QRICH1: variants seen among roughly 807,000 people sequenced by gnomAD.
The protein encoded by QRICH1 is glutamine rich 1, also known as transcriptional regulator QRICH1.
A neutral mutation model predicts 87.1 loss-of-function variants in QRICH1; 16 were observed. The ratio of observed to expected loss-of-function variants is 0.18; its 90% confidence interval spans 0.12 to 0.28. The LOEUF (loss-of-function observed/expected upper bound fraction) is 0.28, where lower values mean the gene tolerates loss of function less well. Ranked by LOEUF, QRICH1 falls within the 10% of genes least tolerant of loss-of-function variation. The pLI is 1.00. For synonymous variants in QRICH1, 367 were observed against 368.4 expected (o/e 1.00, Z 0.05); for missense variants, 647 against 951.7 (o/e 0.68, Z 4.21).
intron 1 of QRICH1, among the ~76,000 whole-genome samples, chr3:49,086,404 C>T (rs1219204710): frequency 6.6e-6 from 1 of 151,802 alleles, no homozygotes; most frequent in African/African-American, 2.4e-5. Flanking sequence ...CTACAGGCAC[C>T]CACCACCACG....
chr3:49,085,337 A>C (rs1044768525), intron 1 of QRICH1, among the ~76,000 whole-genome samples: 3 of 150,112 alleles, frequency 2.0e-5, no homozygotes, highest in African/African-American at 7.4e-5. Flanking sequence ...CAGGAGATCG[A>C]GACCATCCTG....
chr3:49,049,638 C>T (rs1559932816), intron 3 of QRICH1, among the ~76,000 whole-genome samples: 1 of 151,746 alleles, frequency 6.6e-6, no homozygotes, highest in African/African-American at 2.4e-5. Flanking sequence ...GCTGGGATTA[C>T]AGGTGTCTGC....
rs2042196812 is a variant in QRICH1 at position 49,087,831 on chromosome 3, A to AAAAAAAAAAAAAAAAAAAAC, written c.-22+6080_-22+6081insGTTTTTTTTTTTTTTTTTTT. On this transcript the variant is annotated intron_variant, in intron 1 of 9. Coordinates refer to ENST00000395443, the MANE Select transcript of QRICH1 (RefSeq NM_198880.3). ...GGAGGTTCATCTCAAAAAAAAAAAA[A>AAAAAAAAAAAAAAAAAAAAC]AAAAAAAAGAACAATGTCTTCTATG... Among the ~76,000 whole-genome samples, 2 of 149,076 alleles carry AAAAAAAAAAAAAAAAAAAAC rather than the reference A, an allele frequency of 1.3e-5. 1 individual carries two copies. Among genetic ancestry groups the AAAAAAAAAAAAAAAAAAAAC allele is most frequent in the East Asian group, 3.9e-4 (2 of 5,160 alleles).
At chr3:49,051,318 A>G (rs1202649143) in intron 3 of QRICH1, among the ~76,000 whole-genome samples, 1 of 152,064 alleles carries the variant, frequency 6.6e-6, no homozygotes, top group Non-Finnish European at 1.5e-5. Context: ...AATGTCACTC[A>G]CAACATTGTC....
intron 2 of QRICH1, among the ~76,000 whole-genome samples, chr3:49,074,760 C>G (rs901797426): frequency 5.3e-5 from 8 of 150,056 alleles, no homozygotes; most frequent in African/African-American, 9.8e-5. Context: ...AGGTGGATCA[C>G]GAGGTCAGGA....
intron 2 of QRICH1, among the ~76,000 whole-genome samples, chr3:49,065,138 CTTTTTT>C (rs541974005): frequency 6.9e-6 from 1 of 143,952 alleles, no homozygotes; most frequent in African/African-American, 2.5e-5. Flanking sequence ...TTGGAAACCT[CTTTTTT>C]TTTTTTTTGG....
At chr3:49,082,826 C>T (rs1238619899) in intron 1 of QRICH1, among the ~76,000 whole-genome samples, 5 of 147,316 alleles carry the variant, frequency 3.4e-5, no homozygotes, top group Non-Finnish European at 7.4e-5. Context: ...ACCTGGGAGG[C>T]AGAGCTTGCA....
chr3:49,093,535 C>T (rs1313304138), intron 1 of QRICH1: 3 of 151,934 alleles, frequency 2.0e-5, no homozygotes, highest in African/African-American at 7.3e-5. Context: ...GGGGTCGTCA[C>T]GGGCGCGCGC....
At chr3:49,067,285 C>T (rs192378678) in intron 2 of QRICH1, among the ~76,000 whole-genome samples, 179 of 152,030 alleles carry the variant, frequency 1.2e-3, no homozygotes, top group African/African-American at 3.6e-3. Flanking sequence ...GTAAATTTAA[C>T]GGCTGGGTGC....
At chr3:49,043,084 T>A (rs987241776) in intron 6 of QRICH1, among the ~76,000 whole-genome samples, 1 of 152,192 alleles carries the variant, frequency 6.6e-6, no homozygotes. Flanking sequence ...TGTACCATAC[T>A]AACGCAACAT....
intron 5 of QRICH1, among the ~76,000 whole-genome samples, 191 bp from the exon 6 acceptor site, chr3:49,044,695 A>G (rs551230752): frequency 5.9e-5 from 9 of 152,290 alleles, no homozygotes; most frequent in African/African-American, 1.7e-4. Context: ...GACATTCTTG[A>G]GAGTTGGGTA....
chr3:49,074,039 C>G (rs1374373260), intron 2 of QRICH1, among the ~76,000 whole-genome samples: 1 of 152,068 alleles, frequency 6.6e-6, no homozygotes, highest in Non-Finnish European at 1.5e-5. Context: ...ACCTTGGCAT[C>G]CCAAAGTGCT....
intron 2 of QRICH1, among the ~76,000 whole-genome samples, chr3:49,072,605 T>C (rs566036944): frequency 2.0e-5 from 3 of 152,182 alleles, no homozygotes; most frequent in East Asian, 1.9e-4. Context: ...ATTATCCTTA[T>C]TTAACTGATG....
intron 1 of QRICH1, among the ~76,000 whole-genome samples, chr3:49,086,727 T>C (rs2042172644): frequency 6.6e-6 from 1 of 152,194 alleles, no homozygotes; most frequent in Admixed American, 6.5e-5. Flanking sequence ...TTTTTTTCTT[T>C]TTTCCGTTTA....
rs184325451 is a variant in QRICH1, at chr3:49,035,632, G to A, written c.1787-2404C>T. ...AGCCTGGGCAACATAGGGAGACCCTGTCAATACAAAAACCTTAAAAAAAAA... is the reference window on the plus strand; with the variant it reads ...AGCCTGGGCAACATAGGGAGACCCTATCAATACAAAAACCTTAAAAAAAAA... On this transcript the variant is annotated intron_variant, in intron 6 of 9. Transcript: ENST00000395443. Among the ~76,000 whole-genome samples the A allele has an allele frequency of 2.3e-4, 34 of 150,946 alleles. No individual in the cohort carries two copies. In the East Asian group the frequency reaches 6.4e-3, roughly 29 times the overall value.
intron 2 of QRICH1, 81 bp downstream of exon 2, chr3:49,076,628 G>A: frequency 1.6e-6 from 2 of 1,267,924 alleles, no homozygotes; most frequent in South Asian, 2.1e-5. Context: ...CATCCACATA[G>A]ATGTGATGAG....
chr3:49,030,341 C>A lies in QRICH1; in HGVS notation c.*111G>T. 9.6e-7 allele frequency: 1 copy of A among 1,046,864 alleles called. No individual in the cohort carries two copies. The allele number at this position is 1,046,864 out of a possible 1,614,324, so 64.8% of individuals were successfully genotyped here. ...TAAACAGAAGCAGCCTGAAAGGCTT[C>A]GTAACTACACCAATAAAAAAAAGAA... On this transcript the variant is annotated 3_prime_UTR_variant, in exon 10 of 10. Coordinates refer to ENST00000395443, the MANE Select transcript of QRICH1 (RefSeq NM_198880.3).
At chr3:49,042,161 G>A (rs927754259) in intron 6 of QRICH1, among the ~76,000 whole-genome samples, 2 of 149,716 alleles carry the variant, frequency 1.3e-5, no homozygotes, top group Non-Finnish European at 3.0e-5. Context: ...GCAGTGGCAC[G>A]ATCTCAGCTC....
chr3:49,047,718 G>GTCTCCCAAA (rs2093346816), intron 3 of QRICH1, among the ~76,000 whole-genome samples: 1 of 151,984 alleles, frequency 6.6e-6, no homozygotes, highest in East Asian at 1.9e-4. Flanking sequence ...CCCAACCTCA[G>GTCTCCCAAA]GTAATCTGCC....
Sources: gnomAD v4.1 joint callset for allele counts (sites outside exome capture counted in the v4.1 genomes callset) on GRCh38, gnomAD v4.1.1 for gene constraint, MANE v1.5 for transcripts, NCBI Gene and HGNC (gene_info 2026-07-23, HGNC 2026-07-21) for gene names.